SPAG16: variants seen among roughly 807,000 people sequenced by gnomAD.
SPAG16 encodes the protein sperm-associated antigen 16 protein.
SPAG16 carries 86 observed loss-of-function variants against 80.4 expected under a neutral mutation model. That is an observed-to-expected ratio of 1.07 (90% confidence interval 0.90 to 1.28). The LOEUF (loss-of-function observed/expected upper bound fraction) is 1.28, where lower values mean the gene tolerates loss of function less well. Among genes scored for constraint, SPAG16 ranks in the 50% most tolerant of loss-of-function variants. The pLI, the probability that SPAG16 is intolerant of heterozygous loss-of-function variation, is 0.00. For missense variants in SPAG16, 870 were observed against 765.3 expected (o/e 1.14, Z -1.61); for synonymous variants, 294 against 265.9 (o/e 1.11, Z -1.03).
At chr2:213,989,294 AC>A (rs2046168436) in intron 12 of SPAG16, among the ~76,000 whole-genome samples, 1 of 152,078 alleles carries the variant, frequency 6.6e-6, no homozygotes, top group African/African-American at 2.4e-5. Context: ...CCTAATGTTT[AC>A]TTGCCTATGA....
intron 12 of SPAG16, among the ~76,000 whole-genome samples, chr2:213,945,333 A>G (rs1468015247): frequency 6.8e-6 from 1 of 147,434 alleles, no homozygotes; most frequent in East Asian, 2.0e-4. Flanking sequence ...TTGTGTATAT[A>G]TAGTATATAT....
At chr2:213,335,998 C>A (rs1377299876) in intron 5 of SPAG16, among the ~76,000 whole-genome samples, 1 of 151,658 alleles carries the variant, frequency 6.6e-6, no homozygotes, top group African/African-American at 2.4e-5. Flanking sequence ...AGTTGAGGTA[C>A]CAAGCTTTTC....
chr2:213,507,129 C>T (rs2074999446), intron 10 of SPAG16, among the ~76,000 whole-genome samples: 1 of 152,138 alleles, frequency 6.6e-6, no homozygotes, highest in Non-Finnish European at 1.5e-5. Context: ...TCAAAACTTA[C>T]CCTAAAGGTG....
chr2:214,387,814 G>C (rs1294175835), intron 15 of SPAG16, among the ~76,000 whole-genome samples: 2 of 152,106 alleles, frequency 1.3e-5, no homozygotes, highest in Non-Finnish European at 2.9e-5. Context: ...CTAACTCACT[G>C]TCAGGAGAAC....
At chr2:214,078,317 T>C (rs1317538461) in intron 13 of SPAG16, among the ~76,000 whole-genome samples, 1 of 151,972 alleles carries the variant, frequency 6.6e-6, no homozygotes, top group Non-Finnish European at 1.5e-5. Flanking sequence ...CTTTGGTAGG[T>C]TGAGGCAGGA....
chr2:214,274,207 G>A (rs1218908080), intron 15 of SPAG16, among the ~76,000 whole-genome samples: 1 of 152,166 alleles, frequency 6.6e-6, no homozygotes, highest in East Asian at 1.9e-4. Context: ...CTGAGACAGT[G>A]AGCTTTCTAA....
At chr2:213,642,597 G>T (rs2062632588) in intron 10 of SPAG16, among the ~76,000 whole-genome samples, 1 of 149,844 alleles carries the variant, frequency 6.7e-6, no homozygotes, top group African/African-American at 2.5e-5. Flanking sequence ...TAAGCAGGCA[G>T]AAAAATGTGA....
chr2:214,351,302 T>A (rs1698387821), intron 15 of SPAG16, among the ~76,000 whole-genome samples: 1 of 152,164 alleles, frequency 6.6e-6, no homozygotes, highest in Non-Finnish European at 1.5e-5. Flanking sequence ...GGATCACTTC[T>A]GTCATATTAT....
chr2:214,286,184 G>C (rs1693341791), intron 15 of SPAG16, among the ~76,000 whole-genome samples: 1 of 152,156 alleles, frequency 6.6e-6, no homozygotes, highest in Admixed American at 6.6e-5. Flanking sequence ...AACGGAGTAA[G>C]GGGGAGATGT....
chr2:214,157,142 G>A (rs894004321), intron 15 of SPAG16, among the ~76,000 whole-genome samples: 1 of 152,100 alleles, frequency 6.6e-6, no homozygotes, highest in Non-Finnish European at 1.5e-5. Context: ...GTGGCTCTTT[G>A]GATGCACAAG....
intron 15 of SPAG16, among the ~76,000 whole-genome samples, chr2:214,180,511 T>C (rs1156684503): frequency 6.6e-6 from 1 of 151,714 alleles, no homozygotes; most frequent in Non-Finnish European, 1.5e-5. Flanking sequence ...TATAAATAGA[T>C]AATAATTTCC....
chr2:213,691,541 G>C (rs1340389627), intron 10 of SPAG16, among the ~76,000 whole-genome samples: 2 of 152,078 alleles, frequency 1.3e-5, no homozygotes, highest in Non-Finnish European at 2.9e-5. Context: ...ATGAGAAACT[G>C]TAAGTGAGAG....
chr2:214,106,197 A>G (rs2053374529), intron 13 of SPAG16, among the ~76,000 whole-genome samples: 1 of 152,198 alleles, frequency 6.6e-6, no homozygotes, highest in Non-Finnish European at 1.5e-5. Context: ...TCAGTATACA[A>G]GTATTAATAT....
chr2:214,072,026 A>G (rs1576067850), intron 13 of SPAG16, among the ~76,000 whole-genome samples: 1 of 152,172 alleles, frequency 6.6e-6, no homozygotes, highest in African/African-American at 2.4e-5. Context: ...CAATATCTTA[A>G]TCATAAAAGT....
At chr2:213,728,050 C>T (rs1299189139) in intron 10 of SPAG16, among the ~76,000 whole-genome samples, 4 of 152,028 alleles carry the variant, frequency 2.6e-5, no homozygotes, top group South Asian at 2.1e-4. Context: ...GGTTTCACTA[C>T]GTTGGTCAGG....
chr2:213,366,296 G>A (rs1328431355), intron 8 of SPAG16, among the ~76,000 whole-genome samples: 1 of 151,940 alleles, frequency 6.6e-6, no homozygotes, highest in Admixed American at 6.6e-5. Flanking sequence ...TTCATGTAAA[G>A]TATAAACTTA....
At chr2:213,356,728 G>T (rs1478001513) in intron 7 of SPAG16, among the ~76,000 whole-genome samples, 2 of 151,910 alleles carry the variant, frequency 1.3e-5, no homozygotes, top group South Asian at 2.1e-4. Context: ...TTTGAAGGGT[G>T]TTTTTGTGTC....
At chr2:213,588,375 A>G (rs2060541888) in intron 10 of SPAG16, among the ~76,000 whole-genome samples, 1 of 152,172 alleles carries the variant, frequency 6.6e-6, no homozygotes, top group East Asian at 1.9e-4. Flanking sequence ...GTCTATAGTA[A>G]TTTAATATGA....
Position 213,292,122 on chromosome 2 carries a change from A to G in SPAG16, c.137-3942A>G, listed in dbSNP as rs185784135. ...TATTGCCATGTGACATCTTCCTCATATAATCTTATCAGCGGTTGGCTTATT... is the reference window on the plus strand; with the variant it reads ...TATTGCCATGTGACATCTTCCTCATGTAATCTTATCAGCGGTTGGCTTATT... On this transcript the variant is annotated intron_variant, in intron 1 of 15. Transcript: ENST00000331683. Among the ~76,000 whole-genome samples, 22 of 152,300 alleles carry G rather than the reference A, an allele frequency of 1.4e-4. No homozygotes were observed. The East Asian group carries it at 3.9e-3, about 27-fold the overall frequency.
Sources: gnomAD v4.1 joint callset for allele counts (sites outside exome capture counted in the v4.1 genomes callset) on GRCh38, gnomAD v4.1.1 for gene constraint, MANE v1.5 for transcripts, NCBI Gene and HGNC (gene_info 2026-07-23, HGNC 2026-07-21) for gene names.